SORCS2: variants seen among roughly 807,000 people sequenced by gnomAD.
SORCS2 encodes the protein VPS10 domain-containing receptor SorCS2.
In SORCS2, 100 loss-of-function variants were observed where a neutral mutation model predicts 141.6. The ratio of observed to expected loss-of-function variants is 0.71; its 90% confidence interval spans 0.60 to 0.83. The LOEUF is 0.83. Among genes scored for constraint, SORCS2 ranks in the 40% least tolerant of loss-of-function variants. The pLI, the probability that SORCS2 is intolerant of heterozygous loss-of-function variation, is 0.00. For missense variants in SORCS2, 1,646 were observed against 1,560.2 expected (o/e 1.05, Z -0.93); for synonymous variants, 789 against 676.9 (o/e 1.17, Z -2.57).
chr4:7,528,618 G>C (rs1029192278), intron 2 of SORCS2, among the ~76,000 whole-genome samples: 1 of 152,002 alleles, frequency 6.6e-6, no homozygotes, highest in Non-Finnish European at 1.5e-5. Context: ...TAGAGACGAG[G>C]TTTCACCATG....
At chr4:7,697,165 A>G (rs1307931461) in intron 11 of SORCS2, 33 bp from the exon 12 acceptor site, 2 of 1,540,248 alleles carry the variant, frequency 1.3e-6, no homozygotes, top group South Asian at 2.4e-5. Flanking sequence ...GGACGATCCT[A>G]AGGGTAGTAC....
intron 3 of SORCS2, among the ~76,000 whole-genome samples, chr4:7,586,603 A>G (rs1014691888): frequency 6.6e-6 from 1 of 152,088 alleles, no homozygotes; most frequent in African/African-American, 2.4e-5. Context: ...TTCCTGTGTT[A>G]GTTTGCTGAG....
intron 2 of SORCS2, among the ~76,000 whole-genome samples, chr4:7,511,959 G>A (rs976487236): frequency 1.3e-5 from 2 of 152,196 alleles, no homozygotes; most frequent in African/African-American, 2.4e-5. Context: ...AGGGGCACGC[G>A]CTGCTGTGGG....
chr4:7,602,724 A>G (rs1467576135), intron 3 of SORCS2, among the ~76,000 whole-genome samples: 22 of 144,016 alleles, frequency 1.5e-4, no homozygotes, highest in South Asian at 2.3e-4. Context: ...ATGGGCGGCC[A>G]GGCAGAGACG....
chr4:7,390,567 G>A (rs913718066), intron 1 of SORCS2, among the ~76,000 whole-genome samples: 7 of 152,184 alleles, frequency 4.6e-5, no homozygotes, highest in South Asian at 4.1e-4. Flanking sequence ...ATTATTGCGC[G>A]TCTCTCCGTA....
chr4:7,490,277 G>C lies in SORCS2; in HGVS notation c.549-41253G>C, dbSNP rs116719136. ...GACCATCTCCCTTCTGACTCGGCCT[G>C]GGGGGAGCTCAACACAGCTCAGGAC... On this transcript the variant is annotated intron_variant, in intron 2 of 26. Transcript: ENST00000507866. 9.9e-3 allele frequency among the ~76,000 whole-genome samples: 1,503 copies of C among 152,218 alleles called. 26 individuals are homozygous for C. The highest frequency in any genetic ancestry group is 0.035 in the African/African-American group (1,434 of 41,540).
Position 7,447,782 on chromosome 4 carries a change from G to GA in SORCS2, c.548+51428dup, listed in dbSNP as rs200987007. On this transcript the variant is annotated intron_variant, in intron 2 of 26. Coordinates refer to ENST00000507866, the MANE Select transcript of SORCS2 (RefSeq NM_020777.3). ...AAACTGGAATTATGAAACAAACTAC[G>GA]ACCCAGGATGGAACGGAGCCTGTGC... 9.2e-3 allele frequency among the ~76,000 whole-genome samples: 1,403 copies of GA among 152,232 alleles called. 16 individuals are homozygous for GA. Among genetic ancestry groups the GA allele is most frequent in the Middle Eastern group, 0.041 (12 of 294 alleles).
At chr4:7,570,383 C>T (rs75189074) in intron 3 of SORCS2, among the ~76,000 whole-genome samples, 1,988 of 152,354 alleles carry the variant, frequency 0.013, 32 homozygotes, top group African/African-American at 0.044. Flanking sequence ...CTCCCACTCC[C>T]GCTGCCAGAG....
chr4:7,550,571 C>T (rs1013172547), intron 3 of SORCS2, among the ~76,000 whole-genome samples: 3 of 152,192 alleles, frequency 2.0e-5, no homozygotes, highest in African/African-American at 7.2e-5. Flanking sequence ...ACCCAGCTGG[C>T]AGAGGGCAGG....
chr4:7,704,336 G>C, intron 14 of SORCS2, 52 bp downstream of exon 14: 1 of 1,452,380 alleles, frequency 6.9e-7, no homozygotes, highest in Non-Finnish European at 9.4e-7. Context: ...GAGCCATGCT[G>C]GGCCTCCCTG....
intron 3 of SORCS2, among the ~76,000 whole-genome samples, chr4:7,614,681 C>T (rs1197951180): frequency 6.6e-6 from 1 of 151,684 alleles, no homozygotes; most frequent in Non-Finnish European, 1.5e-5. Flanking sequence ...CCCATCAATC[C>T]ATCTATCCAT....
At position 7,723,991 on chromosome 4, in the gene SORCS2, C is replaced by T. The variant is rs565302499; in HGVS notation, c.2611+108C>T. On this transcript the variant is annotated intron_variant, in intron 19 of 26. Transcript: ENST00000507866. ...CCGGGATTGCTCTAGGCCCCTGGTA[C>T]TCAGGACGGTGAACCCGAGGGCAGG... The T allele has an allele frequency of 1.2e-4, 156 of 1,318,192 alleles. 1 individual carries two copies. In the Admixed American group the frequency reaches 2.2e-3, roughly 19 times the overall value. 81.7% of individuals were successfully genotyped at this position (1,318,192 alleles called of 1,614,324 possible). A position where few individuals can be genotyped will look rare whatever the true frequency, so the allele number is the denominator to read the frequency against.
intron 2 of SORCS2, among the ~76,000 whole-genome samples, chr4:7,406,475 G>A (rs1235268830): frequency 6.6e-6 from 1 of 151,128 alleles, no homozygotes; most frequent in Non-Finnish European, 1.5e-5. Context: ...TGGGTTGTAT[G>A]TGTCCAGGAA....
At chr4:7,215,147 A>T (rs1176044993) in intron 1 of SORCS2, among the ~76,000 whole-genome samples, 1 of 151,746 alleles carries the variant, frequency 6.6e-6, no homozygotes, top group African/African-American at 2.4e-5. Context: ...GCGAGCGGGA[A>T]CCGGGGCTGT....
At chr4:7,594,821 C>T (rs1717150957) in intron 3 of SORCS2, among the ~76,000 whole-genome samples, 1 of 152,116 alleles carries the variant, frequency 6.6e-6, no homozygotes, top group African/African-American at 2.4e-5. Flanking sequence ...CTCGGTGTGC[C>T]TCAATTTCCT....
At chr4:7,521,549 G>A (rs138541142) in intron 2 of SORCS2, among the ~76,000 whole-genome samples, 135 of 152,322 alleles carry the variant, frequency 8.9e-4, no homozygotes, top group African/African-American at 3.1e-3. Flanking sequence ...ACCTCTTCGC[G>A]GGTTCTGTGG....
chr4:7,643,031 C>T lies in SORCS2; in HGVS notation c.813+4539C>T, dbSNP rs572352668. Reference sequence around the variant, plus strand: ...TTGCAGATTTGTGCAAAGCCAAAGGCTTGCCTCCCTTTCCTTCCCTACCTC... The same window carrying T: ...TTGCAGATTTGTGCAAAGCCAAAGGTTTGCCTCCCTTTCCTTCCCTACCTC... On this transcript the variant is annotated intron_variant, in intron 4 of 26. Coordinates refer to ENST00000507866, the MANE Select transcript of SORCS2 (RefSeq NM_020777.3). 8.5e-5 allele frequency among the ~76,000 whole-genome samples: 13 copies of T among 152,338 alleles called. No homozygotes were observed. In the South Asian group the frequency reaches 1.7e-3, roughly 19 times the overall value.
intron 1 of SORCS2, among the ~76,000 whole-genome samples, chr4:7,316,432 C>T (rs930742751): frequency 6.6e-6 from 1 of 152,192 alleles, no homozygotes; most frequent in East Asian, 1.9e-4. Context: ...CCAGTTTAGC[C>T]TCAGCCCAAG....
Position 7,697,202 on chromosome 4 carries a change from C to A in SORCS2, c.1596C>A (p.Asn532Lys), listed in dbSNP as rs201458759. 18 of 1,580,338 alleles carry A rather than the reference C, an allele frequency of 1.1e-5. No individual in the cohort carries two copies. The Admixed American group carries it at 1.4e-4, about 13-fold the overall frequency. ...GCCCCTTTTCTTTTGGACCAGGTAA[C>A]CTGGGCTCACAGCTGGTGGAATATA... ...TAPGLIMGAG[N>K]LGSQLVEYKE... Residue 532 changes from asparagine (N) to lysine (K), a missense_variant, in exon 12 of 27, where the codon AAC becomes AAA. Coordinates refer to ENST00000507866, the MANE Select transcript of SORCS2 (RefSeq NM_020777.3).
Sources: gnomAD v4.1 joint callset for allele counts (sites outside exome capture counted in the v4.1 genomes callset) on GRCh38, gnomAD v4.1.1 for gene constraint, MANE v1.5 for transcripts, NCBI Gene and HGNC (gene_info 2026-07-23, HGNC 2026-07-21) for gene names.